RBM20: variants seen among roughly 807,000 people sequenced by gnomAD.
The protein encoded by RBM20 is RNA-binding protein 20.
Under a neutral mutation model 110.1 loss-of-function variants are expected in RBM20, and 51 were observed. That is an observed-to-expected ratio of 0.46 (90% CI 0.37 to 0.59). RBM20 has a LOEUF of 0.59. Ranked by LOEUF, RBM20 falls within the 20% of genes least tolerant of loss-of-function variation. The probability of loss-of-function intolerance (pLI) is 0.00; values close to 1 mark genes in which losing one functional copy is unlikely to be tolerated. For synonymous variants in RBM20, 589 were observed against 618.2 expected, an observed-to-expected ratio of 0.95 and a Z score of 0.70; for missense variants, 1,512 against 1,574.9, an observed-to-expected ratio of 0.96 and a Z score of 0.68.
intron 1 of RBM20, among the ~76,000 whole-genome samples, chr10:110,677,202 C>T (rs1463427739): frequency 6.6e-6 from 1 of 152,300 alleles, no homozygotes; most frequent in Middle Eastern, 3.4e-3. Flanking sequence ...ATAAAGCCAC[C>T]AGTCCCACTC....
In RBM20 at chr10:110,756,853, T is replaced by A. The variant is rs1307557124; in HGVS notation, c.192-23948T>A. On this transcript the variant is annotated intron_variant, in intron 1 of 13. Coordinates refer to ENST00000369519, the MANE Select transcript of RBM20 (RefSeq NM_001134363.3). ...AAAACTTAGAAGGACCCAAACTTGG[T>A]ATCTCCTTGCCAATTCTCTCAAAAT... 5 of 152,358 alleles carry A rather than the reference T, an allele frequency of 3.3e-5. No individual in the cohort carries two copies. In the South Asian group the frequency reaches 1.0e-3, roughly 32 times the overall value. The allele number at this position is 152,358 out of a possible 1,614,324, so 9.4% of individuals were successfully genotyped here. A position where few individuals can be genotyped will look rare whatever the true frequency, so the allele number is the denominator to read the frequency against.
chr10:110,721,519 G>C (rs746619898), intron 1 of RBM20, among the ~76,000 whole-genome samples: 9 of 152,114 alleles, frequency 5.9e-5, no homozygotes, highest in Non-Finnish European at 1.2e-4. Context: ...GTCTGTCCAT[G>C]TTTGGGTCTG....
At chr10:110,798,645 C>G (rs1844582126) in intron 6 of RBM20, among the ~76,000 whole-genome samples, 1 of 152,094 alleles carries the variant, frequency 6.6e-6, no homozygotes, top group African/African-American at 2.4e-5. Context: ...TCTTAGTCGC[C>G]CACGCTAATG....
At chr10:110,750,468 G>A (rs1843839009) in intron 1 of RBM20, among the ~76,000 whole-genome samples, 1 of 152,204 alleles carries the variant, frequency 6.6e-6, no homozygotes, top group South Asian at 2.1e-4. Context: ...CTGTGGGGCA[G>A]GTTACAACTG....
At chr10:110,697,661 A>T (rs533621768) in intron 1 of RBM20, among the ~76,000 whole-genome samples, 2 of 152,190 alleles carry the variant, frequency 1.3e-5, no homozygotes, top group Non-Finnish European at 2.9e-5. Context: ...CCCTGAGCCC[A>T]CCTTGTTTCA....
At position 110,781,646 on chromosome 10, in the gene RBM20, C is replaced by T; in HGVS notation, c.1037C>T (p.Pro346Leu). 6.5e-7 allele frequency: 1 copy of T among 1,549,178 alleles called. No individual in the cohort carries two copies. Among genetic ancestry groups the T allele is most frequent in the South Asian group, 1.2e-5 (1 of 83,914 alleles). ...GPMWPPPHNQ[P>L]YELYDPEEPT... is the part of the protein sequence containing the mutation. ...ATGTGGCCTCCACCCCACAACCAGCCCTATGAGCTGTACGACCCCGAGGAA... is the reference window on the plus strand; with the variant it reads ...ATGTGGCCTCCACCCCACAACCAGCTCTATGAGCTGTACGACCCCGAGGAA... Residue 346 changes from proline to leucine, a missense_variant, in exon 2 of 14, where the codon CCC (proline) becomes CTC (leucine). This residue lies in a region of RBM20 where 1,149 missense variants were observed against 1,169.4 expected (regional missense o/e 0.98). Coordinates refer to ENST00000369519, the MANE Select transcript of RBM20 (RefSeq NM_001134363.3).
intron 4 of RBM20, 47 bp from the exon 5 acceptor site, chr10:110,784,745 A>G (rs992323662): frequency 3.6e-5 from 44 of 1,207,862 alleles, no homozygotes; most frequent in Non-Finnish European, 4.9e-5. Flanking sequence ...ATGACTTTTG[A>G]TGTTACATTC....
intron 5 of RBM20, 45 bp downstream of exon 5, chr10:110,784,934 T>C (rs1211428862): frequency 1.7e-6 from 2 of 1,208,492 alleles, no homozygotes; most frequent in Non-Finnish European, 1.2e-6. Flanking sequence ...AAAATGATTA[T>C]TAGTTTATTT....
In RBM20 at chr10:110,799,416, TGGGATCAAAGAGATCTCTTC is replaced by T. The variant is rs1250369792; in HGVS notation, c.1669-370_1669-351del. Among the ~76,000 whole-genome samples the T allele has an allele frequency of 1.9e-4, 29 of 152,320 alleles. 1 individual carries two copies. The South Asian group carries it at 6.0e-3, about 32-fold the overall frequency. On this transcript the variant is annotated intron_variant, in intron 6 of 13. Transcript: ENST00000369519. Reference sequence around the variant, plus strand: ...TTATAAAAAGGTCTCTTTGAACAGATGGGATCAAAGAGATCTCTTCCTTGTGCTGACTTTTTTTCCTTTTA... The same window carrying T: ...TTATAAAAAGGTCTCTTTGAACAGATCTTGTGCTGACTTTTTTTCCTTTTA...
Position 110,729,599 on chromosome 10 carries a change from G to A in RBM20, c.192-51202G>A, listed in dbSNP as rs532187118. ...GATTTGGCAGCTGCTGCCACTTGCA[G>A]CTCAAACCTAAAAGTCAGGTGTGAT... is the stretch of plus-strand genomic sequence containing the variant. On this transcript the variant is annotated intron_variant, in intron 1 of 13. Coordinates refer to ENST00000369519, the MANE Select transcript of RBM20 (RefSeq NM_001134363.3). Among the ~76,000 whole-genome samples, 5 of 152,310 alleles carry A rather than the reference G, an allele frequency of 3.3e-5. No homozygotes were observed. In the South Asian group the frequency reaches 1.0e-3, roughly 32 times the overall value.
intron 5 of RBM20, among the ~76,000 whole-genome samples, chr10:110,785,987 T>A (rs1844414368): frequency 1.3e-5 from 2 of 152,214 alleles, no homozygotes; most frequent in African/African-American, 4.8e-5. Context: ...TATGATGTTT[T>A]TGTTTGTTTT....
chr10:110,819,596 A>C (rs1377608056), intron 9 of RBM20, among the ~76,000 whole-genome samples: 1 of 152,236 alleles, frequency 6.6e-6, no homozygotes, highest in East Asian at 1.9e-4. Flanking sequence ...GACAGAGGGC[A>C]ACAGAAAGGT....
chr10:110,828,887 G>A (rs1845014576), intron 12 of RBM20, among the ~76,000 whole-genome samples: 1 of 152,100 alleles, frequency 6.6e-6, no homozygotes, highest in African/African-American at 2.4e-5. Context: ...AAGTGAAATC[G>A]GTTCCAGAAC....
At chr10:110,830,853 C>G (rs1349147479) in intron 12 of RBM20, among the ~76,000 whole-genome samples, 1 of 152,180 alleles carries the variant, frequency 6.6e-6, no homozygotes, top group South Asian at 2.1e-4. Flanking sequence ...TTCACAACAA[C>G]CTGTGAATGA....
intron 1 of RBM20, among the ~76,000 whole-genome samples, chr10:110,746,383 G>A (rs1113797): frequency 0.76 from 114,975 of 152,132 alleles, 44,112 homozygotes; most frequent in Non-Finnish European, 0.82. Context: ...TTAATCCACT[G>A]TAGAGTGGTT....
intron 1 of RBM20, among the ~76,000 whole-genome samples, chr10:110,760,597 C>T (rs763564074): frequency 3.3e-5 from 5 of 150,232 alleles, no homozygotes; most frequent in East Asian, 2.0e-4. Flanking sequence ...CTAACCACCA[C>T]GCACGGCTAA....
chr10:110,656,994 G>A (rs11195256), intron 1 of RBM20, among the ~76,000 whole-genome samples: 27,142 of 151,460 alleles, frequency 0.18, 3,391 homozygotes, highest in African/African-American at 0.34. Context: ...ATATCTTGGA[G>A]TGGAATTGGT....
intron 1 of RBM20, among the ~76,000 whole-genome samples, chr10:110,720,071 C>T (rs11195282): frequency 0.11 from 16,887 of 152,030 alleles, 1,390 homozygotes; most frequent in African/African-American, 0.22. Flanking sequence ...TTTATAAGGG[C>T]ACTAATCCCA....
At chr10:110,812,169 C>A in intron 8 of RBM20, 109 bp from the exon 9 acceptor site, 5 of 998,598 alleles carry the variant, frequency 5.0e-6, no homozygotes, top group Non-Finnish European at 7.2e-6. Context: ...TAAGAGTGTA[C>A]ACAGTTACAT....
Sources: allele counts gnomAD v4.1 joint callset (sites outside exome capture counted in the v4.1 genomes callset), GRCh38; gene constraint gnomAD v4.1.1; regional missense constraint gnomAD v4.1.1; transcripts MANE v1.5; gene names NCBI Gene and HGNC (gene_info 2026-07-23, HGNC 2026-07-21).